The following TMEM67 variants were observed in gnomAD, a reference collection of about 807,000 sequenced individuals.
TMEM67 encodes the protein meckelin.
A neutral mutation model predicts 136.6 loss-of-function variants in TMEM67; 124 were observed. That is an observed-to-expected ratio of 0.91 (90% CI 0.78 to 1.05). TMEM67 has a LOEUF of 1.05. Among genes scored for constraint, TMEM67 ranks in the 50% least tolerant of loss-of-function variants. The pLI, the probability that TMEM67 is intolerant of heterozygous loss-of-function variation, is 0.00. For missense variants in TMEM67, 1,107 were observed against 1,178.4 expected (o/e 0.94, Z 0.89); for synonymous variants, 364 against 390.5 (o/e 0.93, Z 0.80).
chr8:93,805,326 G>A (rs940062695), intron 23 of TMEM67, among the ~76,000 whole-genome samples: 2 of 151,538 alleles, frequency 1.3e-5, no homozygotes, highest in Non-Finnish European at 2.9e-5. Context: ...GCTCACGCCT[G>A]TAATCCCAGC....
At chr8:93,780,546 G>A in intron 7 of TMEM67, 47 bp from the exon 8 acceptor site, 1 of 1,611,838 alleles carries the variant, frequency 6.2e-7, no homozygotes, top group Non-Finnish European at 8.5e-7. Context: ...CTTTTGCATA[G>A]ACTGTTCAGG....
intron 4 of TMEM67, among the ~76,000 whole-genome samples, chr8:93,765,036 G>C (rs1813021115): frequency 6.6e-6 from 1 of 152,100 alleles, no homozygotes; most frequent in South Asian, 2.1e-4. Flanking sequence ...TTACTTTGTG[G>C]CACATAAAAT....
chr8:93,792,984 G>A (rs555526739), intron 15 of TMEM67, among the ~76,000 whole-genome samples: 333 of 151,548 alleles, frequency 2.2e-3, no homozygotes, highest in Non-Finnish European at 3.8e-3. Context: ...TGTTAGCCAG[G>A]ATGGTCTTGA....
chr8:93,764,031 C>G lies in TMEM67; in HGVS notation c.506+90C>G, dbSNP rs1371770666. The G allele has an allele frequency of 5.7e-6, 5 of 882,636 alleles. No homozygotes were observed. The East Asian group carries it at 1.3e-4, about 23-fold the overall frequency. 54.7% of individuals were successfully genotyped at this position (882,636 alleles called of 1,614,324 possible). A position where few individuals can be genotyped will look rare whatever the true frequency, so the allele number is the denominator to read the frequency against. ...TTAAGAGTGTTTTCCTATCATATCA[C>G]TTAGTTTTCACAATAACCCAAGGAA... On this transcript the variant is annotated intron_variant, in intron 4 of 27. Coordinates refer to ENST00000453321, the MANE Select transcript of TMEM67 (RefSeq NM_153704.6).
At position 93,804,849 on chromosome 8, in the gene TMEM67, G is replaced by T. The variant is rs1554558363; in HGVS notation, c.2410G>T (p.Glu804Ter). ...VHGHADTNME[E>*]MNMNLKREAE... ...TGGGCATGCAGATACTAATATGGAA[G>T]AAATGAATATGAACCTTAAAAGAGA... The change falls in exon 23 of 28, where the codon GAA becomes TAA. Residue 804 changes from glutamate (E) to a stop codon, truncating the protein, a stop_gained. Coordinates refer to ENST00000453321, the MANE Select transcript of TMEM67 (RefSeq NM_153704.6). LOFTEE classifies it high-confidence loss of function. 1 of 1,595,618 alleles carries T rather than the reference G, an allele frequency of 6.3e-7. No homozygotes were observed. The highest frequency in any genetic ancestry group is 8.6e-7 in the Non-Finnish European group (1 of 1,163,582).
intron 16 of TMEM67, among the ~76,000 whole-genome samples, chr8:93,794,036 C>T (rs113377526): frequency 0.015 from 2,227 of 152,128 alleles, 62 homozygotes; most frequent in African/African-American, 0.049. Context: ...GAATTACAGG[C>T]GCACACCACC....
chr8:93,764,618 C>G (rs1813001050), intron 4 of TMEM67, among the ~76,000 whole-genome samples: 1 of 152,150 alleles, frequency 6.6e-6, no homozygotes, highest in Non-Finnish European at 1.5e-5. Context: ...TGACTTCCCT[C>G]CGGGCACAGT....
the TMEM67 span, among the ~76,000 whole-genome samples, chr8:93,829,602 T>C: frequency 1.3e-5 from 2 of 152,232 alleles, no homozygotes; most frequent in Admixed American, 6.5e-5. Context: ...TCCTCTGTGG[T>C]TCCCACAAGA....
chr8:93,766,797 G>T (rs925259178), intron 6 of TMEM67, among the ~76,000 whole-genome samples: 2 of 152,080 alleles, frequency 1.3e-5, no homozygotes, highest in African/African-American at 4.8e-5. Flanking sequence ...GTCTTGTGAG[G>T]AAGACAGGCA....
intron 26 of TMEM67, among the ~76,000 whole-genome samples, chr8:93,811,901 G>A (rs1808717842): frequency 6.6e-6 from 1 of 151,974 alleles, no homozygotes; most frequent in African/African-American, 2.4e-5. Flanking sequence ...TGTAATCCTA[G>A]CACTTTGGGA....
chr8:93,815,391 G>T lies in TMEM67; in HGVS notation c.2851G>T (p.Asp951Tyr), dbSNP rs776836757. ...IFDLLFFCVV[D>Y]LACQNFILAS... ...TGATCTGCTGTTCTTCTGTGTTGTG[G>T]ATTTGGCTTGCCAAAATTTTATTTT... Residue 951 changes from aspartate (D) to tyrosine (Y), a missense_variant, in exon 27 of 28, where the codon GAT becomes TAT. This residue lies in a region of TMEM67 where 925 missense variants were observed against 1,002.4 expected (regional missense o/e 0.92). Transcript: ENST00000453321. 13 of 1,612,984 alleles carry T rather than the reference G, an allele frequency of 8.1e-6. No individual in the cohort carries two copies. The highest frequency in any genetic ancestry group is 1.1e-5 in the Non-Finnish European group (13 of 1,179,680).
At chr8:93,792,161 C>A (rs950213894) in intron 15 of TMEM67, among the ~76,000 whole-genome samples, 21 of 151,788 alleles carry the variant, frequency 1.4e-4, no homozygotes, top group African/African-American at 4.6e-4. Flanking sequence ...CATGCCCAGC[C>A]GGCCCTCTAA....
intron 3 of TMEM67, 46 bp from the exon 4 acceptor site, chr8:93,763,795 TA>T (rs778821319): frequency 8.0e-7 from 1 of 1,248,148 alleles, no homozygotes; most frequent in Non-Finnish European, 1.2e-6. Flanking sequence ...TAGAAGCTTA[TA>T]TGTTTACTAT....
At chr8:93,765,351 T>C in intron 4 of TMEM67, 55 bp from the exon 5 acceptor site, 1 of 1,375,592 alleles carries the variant, frequency 7.3e-7, no homozygotes, top group Admixed American at 1.7e-5. Context: ...GCTTTTCTAT[T>C]AGGTTTAGTA....
chr8:93,766,608 T>C (rs907930253), intron 6 of TMEM67, among the ~76,000 whole-genome samples: 3 of 152,190 alleles, frequency 2.0e-5, no homozygotes, highest in South Asian at 2.1e-4. Context: ...TGAATGAACA[T>C]TGAAGATGCT....
chr8:93,815,502 T>C, intron 27 of TMEM67, 55 bp downstream of exon 27: 1 of 1,475,784 alleles, frequency 6.8e-7, no homozygotes, highest in Non-Finnish European at 9.4e-7. Context: ...AGAAATATGT[T>C]AGAAGTAGAT....
intron 6 of TMEM67, among the ~76,000 whole-genome samples, chr8:93,771,247 T>G (rs1225231921): frequency 7.9e-5 from 12 of 151,190 alleles, no homozygotes; most frequent in African/African-American, 2.7e-4. Flanking sequence ...TTTTTCTCTG[T>G]GCTTTTTTTT....
At chr8:93,826,123 CTTTT>C in the TMEM67 span, among the ~76,000 whole-genome samples, 2 of 52,380 alleles carry the variant, frequency 3.8e-5, no homozygotes, top group East Asian at 7.5e-4. Flanking sequence ...TTAATCATGT[CTTTT>C]TTTTTTTTTT....
chr8:93,777,572 C>G (rs1813608180), intron 7 of TMEM67, among the ~76,000 whole-genome samples: 1 of 152,158 alleles, frequency 6.6e-6, no homozygotes, highest in South Asian at 2.1e-4. Flanking sequence ...TCATTGATTT[C>G]AAAGAACATC....
Sources: allele counts gnomAD v4.1 joint callset (sites outside exome capture counted in the v4.1 genomes callset), GRCh38; gene constraint gnomAD v4.1.1; regional missense constraint gnomAD v4.1.1; transcripts MANE v1.5; gene names NCBI Gene and HGNC (gene_info 2026-07-23, HGNC 2026-07-21).